ASTN1: variants seen among roughly 807,000 people sequenced by gnomAD.
ASTN1 encodes the protein astrotactin 1, also known as astrotactin-1.
A neutral mutation model predicts 140.7 loss-of-function variants in ASTN1; 41 were observed. The ratio of observed to expected loss-of-function variants is 0.29; its 90% confidence interval spans 0.23 to 0.38. The LOEUF is 0.38. Among genes scored for constraint, ASTN1 ranks in the 10% least tolerant of loss-of-function variants. ASTN1 has a pLI of 1.00. For missense variants in ASTN1, 1,479 were observed against 1,678.8 expected (o/e 0.88, Z 2.08); for synonymous variants, 640 against 652.2 (o/e 0.98, Z 0.29).
intron 14 of ASTN1, among the ~76,000 whole-genome samples, chr1:176,942,859 T>TATATATATATATAC (rs1557978139): frequency 1.2e-4 from 12 of 104,138 alleles, no homozygotes; most frequent in Non-Finnish European, 1.6e-4. Flanking sequence ...TATATATATA[T>TATATATATATATAC]ATATATAGAT....
chr1:176,896,372 C>T (rs1350974834), intron 16 of ASTN1, among the ~76,000 whole-genome samples: 1 of 152,156 alleles, frequency 6.6e-6, no homozygotes, highest in Non-Finnish European at 1.5e-5. Flanking sequence ...ATGACGGCTT[C>T]AAATAGAACT....
At chr1:177,102,955 A>C (rs1393463449) in intron 1 of ASTN1, among the ~76,000 whole-genome samples, 1 of 152,234 alleles carries the variant, frequency 6.6e-6, no homozygotes, top group African/African-American at 2.4e-5. Context: ...TTCTCTAACC[A>C]TAATGGCTGC....
At chr1:177,095,252 G>A (rs1679974687) in intron 1 of ASTN1, among the ~76,000 whole-genome samples, 1 of 152,218 alleles carries the variant, frequency 6.6e-6, no homozygotes, top group Non-Finnish European at 1.5e-5. Flanking sequence ...GCCTATCCAT[G>A]TTGGAAGAAA....
At chr1:176,938,536 A>C (rs928348000) in intron 14 of ASTN1, among the ~76,000 whole-genome samples, 4 of 152,220 alleles carry the variant, frequency 2.6e-5, no homozygotes, top group Non-Finnish European at 5.9e-5. Flanking sequence ...TCAAAATGAC[A>C]GTCACTTTCA....
intron 9 of ASTN1, among the ~76,000 whole-genome samples, chr1:176,958,755 T>C (rs914291104): frequency 2.6e-5 from 4 of 152,218 alleles, no homozygotes; most frequent in Non-Finnish European, 4.4e-5. Context: ...GTTCCAGCTT[T>C]CTTCGGATTT....
intron 16 of ASTN1, among the ~76,000 whole-genome samples, chr1:176,919,135 T>C (rs1478315402): frequency 6.6e-6 from 1 of 152,228 alleles, no homozygotes; most frequent in Admixed American, 6.5e-5. Flanking sequence ...CTTTTTAATA[T>C]TCTGTCTCCT....
rs1395089046 is a variant in ASTN1 at position 176,876,621 on chromosome 1, C to G, written c.3379G>C (p.Val1127Leu). The G allele has an allele frequency of 6.2e-7, 1 of 1,614,138 alleles. No individual in the cohort carries two copies. Among genetic ancestry groups the G allele is most frequent in the Non-Finnish European group, 8.5e-7 (1 of 1,179,998 alleles). ...CTGGAGCGCCGTCCTGTGTTGTCCA[C>G]TCCCCACAGCGTGAACCTGGCAGGG... The part of the protein sequence containing the change: ...DTIYMFTLWG[V>L]DNTGRRSRPS... Residue 1127 changes from valine (V) to leucine (L), a missense_variant, in exon 21 of 23, where the codon GTG becomes CTG. This residue lies in a region of ASTN1 where 746 missense variants were observed against 800.9 expected (regional missense o/e 0.93). Coordinates refer to ENST00000361833, the MANE Select transcript of ASTN1 (RefSeq NM_004319.3).
At chr1:176,980,998 G>A (rs1673586487) in intron 8 of ASTN1, among the ~76,000 whole-genome samples, 1 of 151,832 alleles carries the variant, frequency 6.6e-6, no homozygotes, top group Non-Finnish European at 1.5e-5. Context: ...GATCACCTGA[G>A]CTCAGGAGTT....
intron 16 of ASTN1, among the ~76,000 whole-genome samples, chr1:176,911,770 A>T (rs1188240323): frequency 3.3e-5 from 5 of 152,240 alleles, no homozygotes; most frequent in African/African-American, 1.2e-4. Flanking sequence ...ACACTCTAAA[A>T]TAATGATAAA....
chr1:176,948,208 G>A (rs573698309), intron 12 of ASTN1, among the ~76,000 whole-genome samples: 25 of 151,542 alleles, frequency 1.6e-4, no homozygotes, highest in Non-Finnish European at 2.9e-5. Flanking sequence ...AGAACTATAT[G>A]TTATTTATCT....
intron 16 of ASTN1, among the ~76,000 whole-genome samples, chr1:176,917,678 G>A (rs1670547479): frequency 1.3e-5 from 2 of 152,158 alleles, no homozygotes; most frequent in Non-Finnish European, 2.9e-5. Flanking sequence ...AGGTGAGAGA[G>A]AGGGCCGCAG....
intron 8 of ASTN1, among the ~76,000 whole-genome samples, chr1:177,011,001 T>C (rs1024066506): frequency 2.6e-5 from 4 of 152,100 alleles, no homozygotes; most frequent in African/African-American, 9.7e-5. Flanking sequence ...GCGGGTCTAG[T>C]ATGGGAGCTT....
chr1:177,008,020 C>A (rs1675082737), intron 8 of ASTN1, among the ~76,000 whole-genome samples: 1 of 152,132 alleles, frequency 6.6e-6, no homozygotes, highest in South Asian at 2.1e-4. Context: ...AAAAATCGGT[C>A]AAGTTACATG....
chr1:176,953,526 G>T (rs555705247), intron 11 of ASTN1, among the ~76,000 whole-genome samples: 1 of 152,290 alleles, frequency 6.6e-6, no homozygotes, highest in East Asian at 1.9e-4. Context: ...AAGTTTGATG[G>T]AGTCAAATTT....
intron 1 of ASTN1, among the ~76,000 whole-genome samples, chr1:177,158,757 G>A (rs2102262758): frequency 6.6e-6 from 1 of 151,316 alleles, no homozygotes; most frequent in East Asian, 1.9e-4. Flanking sequence ...TTCCTAAGAT[G>A]AATAAAGAAA....
At chr1:177,122,777 T>C (rs576129360) in intron 1 of ASTN1, among the ~76,000 whole-genome samples, 1 of 152,300 alleles carries the variant, frequency 6.6e-6, no homozygotes, top group African/African-American at 2.4e-5. Context: ...ATTATCCTCC[T>C]TATTTCAAAG....
In ASTN1 at chr1:176,861,538, G is replaced by A; in HGVS notation, c.*2746C>T. ...GCATTAGGAAAAGTCAGCAGGTTGA[G>A]ATCAATAGTGTCTTCCAAGGGGAAA... On this transcript the variant is annotated 3_prime_UTR_variant, in exon 23 of 23. Transcript: ENST00000361833. 1.0e-6 allele frequency: 1 copy of A among 985,860 alleles called. No homozygotes were observed. 61.1% of individuals were successfully genotyped at this position (985,860 alleles called of 1,614,324 possible). A position where few individuals can be genotyped will look rare whatever the true frequency, so the allele number is the denominator to read the frequency against.
chr1:176,953,730 T>C (rs1467874756), intron 11 of ASTN1, among the ~76,000 whole-genome samples: 1 of 152,042 alleles, frequency 6.6e-6, no homozygotes, highest in East Asian at 1.9e-4. Flanking sequence ...GGCGGCAGGG[T>C]CACTGGGTAA....
intron 21 of ASTN1, among the ~76,000 whole-genome samples, chr1:176,871,053 T>G (rs1668321561): frequency 6.6e-6 from 1 of 152,140 alleles, no homozygotes; most frequent in Non-Finnish European, 1.5e-5. Flanking sequence ...TACTGATGTG[T>G]GGGAATAGAT....
Sources: gnomAD v4.1 joint callset for allele counts (sites outside exome capture counted in the v4.1 genomes callset) on GRCh38, gnomAD v4.1.1 for gene constraint, gnomAD v4.1.1 regional missense constraint, MANE v1.5 for transcripts, NCBI Gene and HGNC (gene_info 2026-07-23, HGNC 2026-07-21) for gene names.